NCAM2: variants seen among roughly 807,000 people sequenced by gnomAD.
NCAM2 encodes N-CAM-2.
A neutral mutation model predicts 98.1 loss-of-function variants in NCAM2; 30 were observed. The observed-to-expected ratio is 0.31, with a 90% CI of 0.23 to 0.41. NCAM2 has a LOEUF of 0.41. NCAM2 is among the 10% of genes least tolerant of loss of function. The pLI, the probability that NCAM2 is intolerant of heterozygous loss-of-function variation, is 1.00. For missense variants in NCAM2, 867 were observed against 1,005.8 expected, an observed-to-expected ratio of 0.86 and a Z score of 1.87; for synonymous variants, 368 against 342.4, an observed-to-expected ratio of 1.07 and a Z score of -0.83.
At chr21:21,040,730 GT>G (rs2064887581) in intron 1 of NCAM2, among the ~76,000 whole-genome samples, 1 of 152,132 alleles carries the variant, frequency 6.6e-6, no homozygotes, top group Non-Finnish European at 1.5e-5. Context: ...AAGCTAAAAA[GT>G]TTATCTTAGA....
At chr21:21,407,614 G>A (rs1442673914) in intron 9 of NCAM2, among the ~76,000 whole-genome samples, 1 of 152,054 alleles carries the variant, frequency 6.6e-6, no homozygotes, top group African/African-American at 2.4e-5. Context: ...ATTGGATTGA[G>A]TTTATTTGTA....
At chr21:21,112,936 C>T (rs1020928375) in intron 1 of NCAM2, among the ~76,000 whole-genome samples, 1 of 152,186 alleles carries the variant, frequency 6.6e-6, no homozygotes, top group Admixed American at 6.5e-5. Context: ...TGCTCTCCTG[C>T]ACGTGATGCT....
intron 1 of NCAM2, among the ~76,000 whole-genome samples, chr21:21,258,527 G>C (rs1421600507): frequency 3.3e-5 from 5 of 152,096 alleles, no homozygotes. Context: ...GTTCACCCCT[G>C]CAACAACCTG....
At chr21:21,210,787 C>T (rs968001179) in intron 1 of NCAM2, 1 of 456,958 alleles carries the variant, frequency 2.2e-6, no homozygotes, top group South Asian at 2.3e-5. Flanking sequence ...TACTAGAACT[C>T]CCCTAGAGGG....
At chr21:21,446,917 G>GA (rs1980247645) in intron 12 of NCAM2, among the ~76,000 whole-genome samples, 2 of 152,110 alleles carry the variant, frequency 1.3e-5, no homozygotes, top group African/African-American at 4.8e-5. Flanking sequence ...CAAAGAAATG[G>GA]AAAAACATTC....
intron 1 of NCAM2, among the ~76,000 whole-genome samples, chr21:21,066,607 T>C (rs2065443115): frequency 6.6e-6 from 1 of 152,162 alleles, no homozygotes. Flanking sequence ...AATATAAGTA[T>C]AAAGTAAAAT....
At chr21:21,072,689 C>A (rs1054315180) in intron 1 of NCAM2, among the ~76,000 whole-genome samples, 10 of 152,000 alleles carry the variant, frequency 6.6e-5, no homozygotes, top group African/African-American at 2.4e-4. Flanking sequence ...GTTGAGTGCC[C>A]ATTATTAGTG....
intron 10 of NCAM2, among the ~76,000 whole-genome samples, chr21:21,410,734 C>A (rs1223983539): frequency 6.6e-6 from 1 of 151,292 alleles, no homozygotes; most frequent in Non-Finnish European, 1.5e-5. Flanking sequence ...TATGGCCGGG[C>A]GCAGTGGCTC....
intron 5 of NCAM2, among the ~76,000 whole-genome samples, chr21:21,307,998 G>A (rs13046631): frequency 0.42 from 63,926 of 151,574 alleles, 14,707 homozygotes; most frequent in Non-Finnish European, 0.53. Context: ...TAGATGGCCA[G>A]GTGTTAGGGC....
intron 1 of NCAM2, among the ~76,000 whole-genome samples, chr21:21,091,977 C>G (rs979100109): frequency 6.6e-6 from 1 of 151,780 alleles, no homozygotes; most frequent in South Asian, 2.1e-4. Flanking sequence ...GTTTTTAGTA[C>G]TTAAAAGAGG....
intron 1 of NCAM2, among the ~76,000 whole-genome samples, chr21:21,116,631 G>A (rs2066565464): frequency 6.6e-6 from 1 of 152,088 alleles, no homozygotes; most frequent in African/African-American, 2.4e-5. Flanking sequence ...GAGGCAGGTG[G>A]ATCACGAGGT....
chr21:21,368,107 G>A (rs1029576182), intron 8 of NCAM2, among the ~76,000 whole-genome samples: 32 of 151,540 alleles, frequency 2.1e-4, no homozygotes, highest in Non-Finnish European at 1.0e-4. Flanking sequence ...TTAAAGTATT[G>A]AATATGAAAT....
Position 21,064,956 on chromosome 21 carries a change from G to A in NCAM2, c.55+66338G>A, listed in dbSNP as rs368404555. On this transcript the variant is annotated intron_variant, in intron 1 of 17. Coordinates refer to ENST00000400546, the MANE Select transcript of NCAM2 (RefSeq NM_004540.5). ...GCACTTTGGAAGCCTGAGGCAGGTG[G>A]ATCACCTGAGGTCAGGAGTTCAAGA... Among the ~76,000 whole-genome samples the A allele has an allele frequency of 4.6e-5, 7 of 152,114 alleles. No individual in the cohort carries two copies. In the South Asian group the frequency reaches 1.2e-3, roughly 27 times the overall value.
intron 8 of NCAM2, among the ~76,000 whole-genome samples, chr21:21,355,467 C>A (rs1418047318): frequency 0.013 from 880 of 67,150 alleles, 1 homozygote; most frequent in Non-Finnish European, 0.014. Context: ...GACTATGTCT[C>A]AAAAAAAAAA....
intron 15 of NCAM2, among the ~76,000 whole-genome samples, chr21:21,491,297 AC>A (rs1324651810): frequency 6.6e-6 from 1 of 151,816 alleles, no homozygotes; most frequent in Admixed American, 6.6e-5. Flanking sequence ...AAACACATGA[AC>A]ATAGTTAACA....
chr21:21,253,406 G>T (rs927658544), intron 1 of NCAM2, among the ~76,000 whole-genome samples: 4 of 152,018 alleles, frequency 2.6e-5, no homozygotes, highest in African/African-American at 9.7e-5. Context: ...TATAGTATTA[G>T]GTGGTGGGGC....
chr21:21,340,496 G>A (rs1232989153), intron 8 of NCAM2, among the ~76,000 whole-genome samples: 1 of 151,778 alleles, frequency 6.6e-6, no homozygotes, highest in Non-Finnish European at 1.5e-5. Context: ...TGTTTCCTAA[G>A]GAGTATATTA....
intron 8 of NCAM2, among the ~76,000 whole-genome samples, chr21:21,362,980 C>A (rs949666785): frequency 6.6e-6 from 1 of 151,928 alleles, no homozygotes; most frequent in Non-Finnish European, 1.5e-5. Context: ...TTCACTATAC[C>A]CAGTAGAGTG....
At chr21:21,136,487 AG>A (rs1187336271) in intron 1 of NCAM2, among the ~76,000 whole-genome samples, 9 of 149,348 alleles carry the variant, frequency 6.0e-5, no homozygotes, top group Non-Finnish European at 1.3e-4. Flanking sequence ...TTGGAGACGG[AG>A]TCTCATTCTG....
Sources: gnomAD v4.1 joint callset for allele counts (sites outside exome capture counted in the v4.1 genomes callset) on GRCh38, gnomAD v4.1.1 for gene constraint, MANE v1.5 for transcripts, NCBI Gene and HGNC (gene_info 2026-07-23, HGNC 2026-07-21) for gene names.